PAPOLG: variants seen among roughly 807,000 people sequenced by gnomAD.
PAPOLG encodes the protein PAP-gamma.
PAPOLG carries 40 observed loss-of-function variants against 99.0 expected under a neutral mutation model. The observed-to-expected ratio is 0.40, with a 90% CI of 0.31 to 0.53. The LOEUF (loss-of-function observed/expected upper bound fraction) is 0.53. Among genes scored for constraint, PAPOLG ranks in the 20% least tolerant of loss-of-function variants. The pLI is 0.41. For synonymous variants in PAPOLG, 310 were observed against 299.3 expected (o/e 1.04, Z -0.37); for missense variants, 675 against 884.1 (o/e 0.76, Z 3.00).
Position 60,798,845 on chromosome 2 carries a change from A to G in PAPOLG, c.*1685A>G, listed in dbSNP as rs1671787658. 6.6e-6 allele frequency: 1 copy of G among 152,368 alleles called. No homozygotes were observed. The highest frequency in any genetic ancestry group is 1.5e-5 in the Non-Finnish European group (1 of 68,042). The allele number at this position is 152,368 out of a possible 1,614,324, so 9.4% of individuals were successfully genotyped here. A position where few individuals can be genotyped will look rare whatever the true frequency, so the allele number is the denominator to read the frequency against. On this transcript the variant is annotated 3_prime_UTR_variant, in exon 22 of 22. Transcript: ENST00000238714. Reference sequence around the variant, plus strand: ...TAAATTCTAATGTTTACCTTGTACCATGGAAAACATGAAAAGAGTCTTAGA... The same window carrying G: ...TAAATTCTAATGTTTACCTTGTACCGTGGAAAACATGAAAAGAGTCTTAGA...
chr2:60,762,420 G>A (rs1389966796), intron 3 of PAPOLG, among the ~76,000 whole-genome samples: 1 of 151,922 alleles, frequency 6.6e-6, no homozygotes, highest in Non-Finnish European at 1.5e-5. Context: ...TATCCTCCGG[G>A]GGATTGGTTC....
Position 60,797,404 on chromosome 2 carries a change from A to G in PAPOLG, c.*244A>G. The stretch of plus-strand genomic sequence containing the variant: ...CTGCTGTCAAATTGCCATCTACAGT[A>G]TTACAGCTTTGCATTTGGGGGTTTT... On this transcript the variant is annotated 3_prime_UTR_variant, in exon 22 of 22. Transcript: ENST00000238714. The G allele has an allele frequency of 2.1e-6, 1 of 472,786 alleles. No individual in the cohort carries two copies. Among genetic ancestry groups the G allele is most frequent in the Non-Finnish European group, 3.8e-6 (1 of 266,440 alleles). 29.3% of individuals were successfully genotyped at this position (472,786 alleles called of 1,614,324 possible).
chr2:60,770,426 C>T, intron 5 of PAPOLG, 32 bp from the exon 6 acceptor site: 5 of 1,559,840 alleles, frequency 3.2e-6, no homozygotes, highest in Non-Finnish European at 4.3e-6. Context: ...GGGATTACAC[C>T]TATGTGTTAT....
chr2:60,795,352 G>A (rs2103830077), intron 21 of PAPOLG: 2 of 479,484 alleles, frequency 4.2e-6, no homozygotes, highest in East Asian at 5.9e-5. Flanking sequence ...TCTCTGTTGT[G>A]TACTATTGCT....
intron 3 of PAPOLG, among the ~76,000 whole-genome samples, chr2:60,762,627 AT>A (rs991016514): frequency 1.3e-5 from 2 of 151,066 alleles, no homozygotes; most frequent in African/African-American, 2.4e-5. Flanking sequence ...GCATGTTTAA[AT>A]TTTTTTTTCT....
intron 5 of PAPOLG, among the ~76,000 whole-genome samples, 191 bp from the exon 6 acceptor site, chr2:60,770,267 T>C (rs1179875205): frequency 6.6e-6 from 1 of 152,222 alleles, no homozygotes; most frequent in Admixed American, 6.5e-5. Flanking sequence ...ATTTTCACTT[T>C]GTCTATTGAG....
intron 13 of PAPOLG, 68 bp downstream of exon 13, chr2:60,783,277 C>A (rs1671250137): frequency 2.3e-6 from 2 of 874,372 alleles, no homozygotes; most frequent in Non-Finnish European, 3.4e-6. Flanking sequence ...TGGTGCTTTA[C>A]CATTTATAAA....
chr2:60,789,183 G>C (rs554161436), intron 15 of PAPOLG, among the ~76,000 whole-genome samples: 35 of 152,044 alleles, frequency 2.3e-4, no homozygotes, highest in African/African-American at 8.2e-4. Flanking sequence ...GTTGTGGGGT[G>C]GGGGGAGCGG....
At chr2:60,795,117 A>C in intron 21 of PAPOLG, 97 bp downstream of exon 21, 1 of 1,079,412 alleles carries the variant, frequency 9.3e-7, no homozygotes, top group Non-Finnish European at 1.4e-6. Context: ...AGCACTGGGA[A>C]AAAGTAAGAT....
At chr2:60,787,475 A>G in intron 14 of PAPOLG, 36 bp from the exon 15 acceptor site, 4 of 1,568,302 alleles carry the variant, frequency 2.6e-6, no homozygotes, top group Non-Finnish European at 3.5e-6. Flanking sequence ...AAAAAATAAT[A>G]ATAATTAATG....
chr2:60,759,407 A>G (rs1231005896), intron 1 of PAPOLG, among the ~76,000 whole-genome samples: 1 of 152,070 alleles, frequency 6.6e-6, no homozygotes, highest in African/African-American at 2.4e-5. Flanking sequence ...CTTCTGTTGT[A>G]CTTTATTCAA....
intron 8 of PAPOLG, among the ~76,000 whole-genome samples, chr2:60,776,274 C>G (rs1160679108): frequency 6.6e-6 from 1 of 151,956 alleles, no homozygotes; most frequent in African/African-American, 2.4e-5. Flanking sequence ...CACCAATGGG[C>G]TTTAAAATAC....
intron 12 of PAPOLG, 34 bp from the exon 13 acceptor site, chr2:60,783,122 C>G (rs1393668668): frequency 1.3e-6 from 2 of 1,526,036 alleles, no homozygotes; most frequent in Non-Finnish European, 1.8e-6. Context: ...ATTTTTCTGG[C>G]TTTTTTTCCT....
chr2:60,768,157 C>T (rs181560389), intron 3 of PAPOLG, among the ~76,000 whole-genome samples: 11 of 152,262 alleles, frequency 7.2e-5, no homozygotes, highest in African/African-American at 2.6e-4. Context: ...GACTGGAGTG[C>T]AATGGCACAA....
chr2:60,758,948 T>C (rs561113465), intron 1 of PAPOLG, among the ~76,000 whole-genome samples: 2 of 152,370 alleles, frequency 1.3e-5, no homozygotes, highest in East Asian at 3.9e-4. Context: ...ATGGTGAAGA[T>C]AAATGGTAGT....
At chr2:60,782,278 T>C (rs1439375667) in intron 11 of PAPOLG, among the ~76,000 whole-genome samples, 1 of 151,846 alleles carries the variant, frequency 6.6e-6, no homozygotes, top group African/African-American at 2.4e-5. Flanking sequence ...TACTCAAGAG[T>C]TTGGTGGGCC....
At chr2:60,776,627 C>T (rs1425459030) in intron 8 of PAPOLG, among the ~76,000 whole-genome samples, 1 of 151,878 alleles carries the variant, frequency 6.6e-6, no homozygotes, top group African/African-American at 2.4e-5. Context: ...AGGGTTTTAC[C>T]ATGTTGGCCA....
intron 21 of PAPOLG, among the ~76,000 whole-genome samples, chr2:60,796,742 C>A (rs1400193942): frequency 6.6e-6 from 1 of 151,732 alleles, no homozygotes; most frequent in Non-Finnish European, 1.5e-5. Context: ...CTTTGCTTGA[C>A]CTTAAGGACT....
intron 15 of PAPOLG, among the ~76,000 whole-genome samples, chr2:60,788,494 T>G (rs1292239034): frequency 2.0e-5 from 3 of 152,024 alleles, no homozygotes; most frequent in Admixed American, 6.6e-5. Context: ...GCTAATTTTT[T>G]TATTTTTAGT....
Sources: allele counts gnomAD v4.1 joint callset (sites outside exome capture counted in the v4.1 genomes callset), GRCh38; gene constraint gnomAD v4.1.1; transcripts MANE v1.5; gene names NCBI Gene and HGNC (gene_info 2026-07-23, HGNC 2026-07-21).